The following CHRNB3 variants were observed in gnomAD, a reference collection of about 807,000 sequenced individuals.
CHRNB3 encodes cholinergic receptor nicotinic beta 3 subunit.
A neutral mutation model predicts 40.6 loss-of-function variants in CHRNB3; 37 were observed. The ratio of observed to expected loss-of-function variants is 0.91; its 90% CI spans 0.70 to 1.20. CHRNB3 has a LOEUF of 1.20. CHRNB3 is among the 50% of genes most tolerant of loss of function. CHRNB3 has a pLI of 0.00. For missense variants in CHRNB3, 505 were observed against 551.2 expected, an observed-to-expected ratio of 0.92 and a Z score of 0.84; for synonymous variants, 207 against 207.1, an observed-to-expected ratio of 1.00 and a Z score of 0.00.
At chr8:42,700,532 C>T (rs1044037665) in intron 1 of CHRNB3, among the ~76,000 whole-genome samples, 2 of 151,106 alleles carry the variant, frequency 1.3e-5, no homozygotes, top group Non-Finnish European at 2.9e-5. Flanking sequence ...GTTGGCCAGG[C>T]TGGTCTCAAA....
At chr8:42,725,710 T>C (rs1586406400) in intron 3 of CHRNB3, 1 of 929,750 alleles carries the variant, frequency 1.1e-6, no homozygotes, top group East Asian at 2.4e-5. Context: ...CAGGTGCTCC[T>C]CAATCACTGT....
At position 42,736,708 on chromosome 8, in the gene CHRNB3, G is replaced by C; in HGVS notation, c.*90G>C. On this transcript the variant is annotated 3_prime_UTR_variant, in exon 6 of 6. Transcript: ENST00000289957. ...ATCCAAATGCATGTGCTTGTTCTAC[G>C]AACCCCGAATGCGTTGTCTTTGTGG... is the stretch of plus-strand genomic sequence containing the variant. The C allele has an allele frequency of 1.4e-6, 2 of 1,457,760 alleles. No homozygotes were observed. The highest frequency in any genetic ancestry group is 1.9e-6 in the Non-Finnish European group (2 of 1,049,126). 90.3% of individuals were successfully genotyped at this position (1,457,760 alleles called of 1,614,324 possible).
Position 42,720,958 on chromosome 8 carries a change from G to T in CHRNB3, c.250-9636G>T, listed in dbSNP as rs537042746. On this transcript the variant is annotated intron_variant, in intron 3 of 5. Coordinates refer to ENST00000289957, the MANE Select transcript of CHRNB3 (RefSeq NM_000749.5). Reference sequence around the variant, plus strand: ...GTAGAAGGAAGGAAACTGGATCCAAGAAGCAGGTGATTTCATTTCCATCAA... The same window carrying T: ...GTAGAAGGAAGGAAACTGGATCCAATAAGCAGGTGATTTCATTTCCATCAA... Among the ~76,000 whole-genome samples the T allele has an allele frequency of 2.0e-5, 3 of 152,362 alleles. No individual in the cohort carries two copies. The South Asian group carries it at 6.2e-4, about 32-fold the overall frequency.
intron 3 of CHRNB3, among the ~76,000 whole-genome samples, chr8:42,720,301 A>T (rs1455709006): frequency 6.6e-6 from 1 of 151,210 alleles, no homozygotes; most frequent in Non-Finnish European, 1.5e-5. Flanking sequence ...TTTTTAGTAG[A>T]GACGGGGTTT....
chr8:42,735,077 G>A (rs533667053), intron 5 of CHRNB3, among the ~76,000 whole-genome samples: 6 of 151,640 alleles, frequency 4.0e-5, no homozygotes, highest in South Asian at 4.2e-4. Flanking sequence ...AAAATTAGCC[G>A]GGCGTGGTGG....
At chr8:42,707,041 G>A (rs1035266583) in intron 1 of CHRNB3, among the ~76,000 whole-genome samples, 4 of 152,230 alleles carry the variant, frequency 2.6e-5, no homozygotes, top group Non-Finnish European at 4.4e-5. Context: ...TTACAGGTGT[G>A]AGCCACCATG....
In CHRNB3 at chr8:42,729,397, G is replaced by A. The variant is rs1033934852; in HGVS notation, c.250-1197G>A. 3.3e-5 allele frequency among the ~76,000 whole-genome samples: 5 copies of A among 152,062 alleles called. No individual in the cohort carries two copies. In the South Asian group the frequency reaches 6.2e-4, roughly 19 times the overall value. On this transcript the variant is annotated intron_variant, in intron 3 of 5. Transcript: ENST00000289957. The stretch of plus-strand genomic sequence containing the variant: ...TGCACTCCAGCCTGGGCAACAGAGC[G>A]AGACTCTGTCTCAAAAACATAAATA...
chr8:42,702,469 C>T (rs953122406), intron 1 of CHRNB3, among the ~76,000 whole-genome samples: 1 of 152,026 alleles, frequency 6.6e-6, no homozygotes, highest in Non-Finnish European at 1.5e-5. Flanking sequence ...AAAAATGAGA[C>T]AAAGATTAAG....
chr8:42,709,496 A>G (rs1302812437), intron 2 of CHRNB3, among the ~76,000 whole-genome samples: 1 of 152,162 alleles, frequency 6.6e-6, no homozygotes, highest in Non-Finnish European at 1.5e-5. Flanking sequence ...TATGTTGTCC[A>G]TATTCTCCAC....
chr8:42,717,460 A>G (rs2128906755), intron 3 of CHRNB3, among the ~76,000 whole-genome samples: 1 of 147,316 alleles, frequency 6.8e-6, no homozygotes, highest in Non-Finnish European at 1.5e-5. Flanking sequence ...TGATCTCCCC[A>G]AAAGTCTACC....
At position 42,732,114 on chromosome 8, in the gene CHRNB3, A is replaced by ATCGGTC. The variant is rs752018577; in HGVS notation, c.809_814dup (p.Ser270_Val271dup). On this transcript the variant is annotated inframe_insertion, in exon 5 of 6. Coordinates refer to ENST00000289957, the MANE Select transcript of CHRNB3 (RefSeq NM_000749.5). The stretch of plus-strand genomic sequence containing the variant: ...AAGGAGAAAAACTTTCATTATCCAC[A>ATCGGTC]TCGGTCTTGGTTTCTCTGACAGTTT... 2.5e-6 allele frequency: 4 copies of ATCGGTC among 1,613,862 alleles called. No individual in the cohort carries two copies. The highest frequency in any genetic ancestry group is 3.4e-6 in the Non-Finnish European group (4 of 1,179,968).
chr8:42,727,341 C>T (rs1174749934), intron 3 of CHRNB3, among the ~76,000 whole-genome samples: 1 of 149,292 alleles, frequency 6.7e-6, no homozygotes, highest in Non-Finnish European at 1.5e-5. Flanking sequence ...CCACTGCACT[C>T]CAGCCTGGGC....
At chr8:42,715,927 G>A (rs901286679) in intron 3 of CHRNB3, among the ~76,000 whole-genome samples, 1 of 150,798 alleles carries the variant, frequency 6.6e-6, no homozygotes, top group African/African-American at 2.4e-5. Flanking sequence ...TCATATCAAG[G>A]TTAGGAAAAC....
chr8:42,713,140 C>A (rs574340835), intron 3 of CHRNB3, among the ~76,000 whole-genome samples: 1 of 151,930 alleles, frequency 6.6e-6, no homozygotes, highest in Non-Finnish European at 1.5e-5. Context: ...TTTGCCTGGC[C>A]GAGATTAAGC....
chr8:42,726,503 A>G (rs1161999205), intron 3 of CHRNB3, among the ~76,000 whole-genome samples: 1 of 147,294 alleles, frequency 6.8e-6, no homozygotes, highest in Non-Finnish European at 1.5e-5. Flanking sequence ...TTTTTGAGAT[A>G]CAGTCTAGCT....
In CHRNB3 at chr8:42,710,485, A is replaced by G. The variant is rs2128905617; in HGVS notation, c.249+51A>G. On this transcript the variant is annotated intron_variant, in intron 3 of 5. Coordinates refer to ENST00000289957, the MANE Select transcript of CHRNB3 (RefSeq NM_000749.5). Reference sequence around the variant, plus strand: ...CTGCTAACCCAGTCACTTATTTTCTATTTATAAAGGCTCCTATCTGAAAAA... The same window carrying G: ...CTGCTAACCCAGTCACTTATTTTCTGTTTATAAAGGCTCCTATCTGAAAAA... 5 of 1,395,804 alleles carry G rather than the reference A, an allele frequency of 3.6e-6. 1 individual carries two copies. The East Asian group carries it at 1.1e-4, about 32-fold the overall frequency. The allele number at this position is 1,395,804 out of a possible 1,614,324, so 86.5% of individuals were successfully genotyped here.
intron 3 of CHRNB3, among the ~76,000 whole-genome samples, chr8:42,720,926 G>A (rs1032352666): frequency 6.6e-6 from 1 of 152,206 alleles, no homozygotes; most frequent in African/African-American, 2.4e-5. Flanking sequence ...AAAGACCTTC[G>A]GTGCCTGTAG....
rs34401500 is a variant in CHRNB3, at chr8:42,715,976, C to CTT, written c.249+5561_249+5562dup. ...TAGAGACAATGAAAATTAAACTGAC[C>CTT]TTTTTTTTTTTTTTTTTTTTGAGAT... On this transcript the variant is annotated intron_variant, in intron 3 of 5. Transcript: ENST00000289957. Among the ~76,000 whole-genome samples the CTT allele has an allele frequency of 6.6e-3, 819 of 124,156 alleles. 13 individuals are homozygous for CTT. Among genetic ancestry groups the CTT allele is most frequent in the Non-Finnish European group, 9.3e-3 (558 of 59,766 alleles). 81.5% of individuals were successfully genotyped at this position (124,156 alleles called of 152,430 possible).
At chr8:42,716,503 T>A (rs543866374) in intron 3 of CHRNB3, among the ~76,000 whole-genome samples, 1 of 152,094 alleles carries the variant, frequency 6.6e-6, no homozygotes, top group Non-Finnish European at 1.5e-5. Context: ...TACTGCTCCC[T>A]ACAGACCATG....
Sources: gnomAD v4.1 joint callset for allele counts (sites outside exome capture counted in the v4.1 genomes callset) on GRCh38, gnomAD v4.1.1 for gene constraint, MANE v1.5 for transcripts, NCBI Gene and HGNC (gene_info 2026-07-23, HGNC 2026-07-21) for gene names.